The following NOS1 variants were observed in gnomAD, a reference collection of about 807,000 sequenced individuals.
NOS1 encodes NOS type I.
A neutral mutation model predicts 164.5 loss-of-function variants in NOS1; 51 were observed. The observed-to-expected ratio is 0.31, with a 90% CI of 0.25 to 0.39. NOS1 has a LOEUF of 0.39. Among genes scored for constraint, NOS1 ranks in the 10% least tolerant of loss-of-function variants. The pLI is 1.00. For missense variants in NOS1, 1,362 were observed against 1,885.6 expected (o/e 0.72, Z 5.14); for synonymous variants, 719 against 745.8 (o/e 0.96, Z 0.59).
chr12:117,288,965 T>A (rs569256266), intron 4 of NOS1, among the ~76,000 whole-genome samples: 1 of 152,056 alleles, frequency 6.6e-6, no homozygotes, highest in Admixed American at 6.5e-5. Context: ...ATCAACAGAG[T>A]CTGGACCAGA....
At chr12:117,262,411 A>G (rs1871981646) in intron 13 of NOS1, among the ~76,000 whole-genome samples, 1 of 126,340 alleles carries the variant, frequency 7.9e-6, no homozygotes, top group African/African-American at 3.1e-5. Context: ...GGAAGGAGAG[A>G]GAGGGAGGGA....
Position 117,357,789 on chromosome 12 carries a change from G to A in NOS1, c.-421+3723C>T, listed in dbSNP as rs903607576. ...AAGGTCCACTGGGCTGATGTTTGGC[G>A]TTCGCTGGATTAGATGATGTTTAAA... is the stretch of plus-strand genomic sequence containing the variant. On this transcript the variant is annotated intron_variant, in intron 1 of 28. Transcript: ENST00000317775. 2.0e-5 allele frequency among the ~76,000 whole-genome samples: 3 copies of A among 152,174 alleles called. No homozygotes were observed. The East Asian group carries it at 5.8e-4, about 29-fold the overall frequency.
Position 117,259,349 on chromosome 12 carries a change from C to T in NOS1, c.2368-219G>A, listed in dbSNP as rs566184665. Reference sequence around the variant, plus strand: ...GGTAGAACTAAACGCTTTTTGGTAGCGTGGGACCTTGCTATGGTCACTGTG... The same window carrying T: ...GGTAGAACTAAACGCTTTTTGGTAGTGTGGGACCTTGCTATGGTCACTGTG... On this transcript the variant is annotated intron_variant, in intron 14 of 28. Coordinates refer to ENST00000317775, the MANE Select transcript of NOS1 (RefSeq NM_000620.5). 5.3e-5 allele frequency among the ~76,000 whole-genome samples: 8 copies of T among 152,164 alleles called. No individual in the cohort carries two copies. In the South Asian group the frequency reaches 8.3e-4, roughly 16 times the overall value.
At chr12:117,248,440 T>A (rs1870825874) in intron 17 of NOS1, among the ~76,000 whole-genome samples, 1 of 151,616 alleles carries the variant, frequency 6.6e-6, no homozygotes, top group South Asian at 2.1e-4. Context: ...AGTGAGAATA[T>A]GCGGTGTTTG....
intron 12 of NOS1, among the ~76,000 whole-genome samples, chr12:117,264,836 T>C (rs565430613): frequency 1.3e-5 from 2 of 151,798 alleles, no homozygotes; most frequent in East Asian, 3.9e-4. Context: ...TCTCTTATCT[T>C]GGCCTCTTGA....
rs1392897484 is a variant in NOS1 at position 117,234,550 on chromosome 12, C to T, written c.3235+15G>A. On this transcript the variant is annotated intron_variant, in intron 21 of 28. Transcript: ENST00000317775. The surrounding 1 kb of genome is among the most constrained non-coding windows in gnomAD (Gnocchi z 4.3). Reference sequence around the variant, plus strand: ...GCAGCTCCCTAGAGCAGGGAAGGGTCCCCGGGAATGTTACCTAAAGCCGTG... The same window carrying T: ...GCAGCTCCCTAGAGCAGGGAAGGGTTCCCGGGAATGTTACCTAAAGCCGTG... 6.2e-7 allele frequency: 1 copy of T among 1,606,126 alleles called. No homozygotes were observed. Among genetic ancestry groups the T allele is most frequent in the South Asian group, 1.1e-5 (1 of 90,330 alleles).
At chr12:117,334,409 T>C (rs1417622405) in intron 1 of NOS1, among the ~76,000 whole-genome samples, 2 of 152,028 alleles carry the variant, frequency 1.3e-5, no homozygotes, top group African/African-American at 4.8e-5. Flanking sequence ...TAGCTTCTTT[T>C]TTTTTTAGAC....
At chr12:117,359,513 C>G (rs1877016492) in intron 1 of NOS1, among the ~76,000 whole-genome samples, 1 of 152,146 alleles carries the variant, frequency 6.6e-6, no homozygotes, top group South Asian at 2.1e-4. Context: ...GAGGAGAGGT[C>G]TGGGGTCTCC....
intron 27 of NOS1, 60 bp downstream of exon 27, chr12:117,220,015 A>G (rs1238534041): frequency 6.7e-7 from 1 of 1,495,598 alleles, no homozygotes; most frequent in Admixed American, 2.0e-5. Context: ...TTGGATGAAA[A>G]AGGGGGGATA....
intron 6 of NOS1, among the ~76,000 whole-genome samples, chr12:117,285,637 T>C (rs1024109319): frequency 1.3e-5 from 2 of 151,812 alleles, no homozygotes; most frequent in African/African-American, 4.8e-5. Context: ...CATTTTCTGT[T>C]AGGTTACTAG....
intron 26 of NOS1, among the ~76,000 whole-genome samples, chr12:117,221,671 T>C (rs1592923957): frequency 1.3e-5 from 2 of 152,142 alleles, no homozygotes; most frequent in East Asian, 3.9e-4. Flanking sequence ...TCTTGGTCTG[T>C]TGCCCAGGGT....
intron 2 of NOS1, among the ~76,000 whole-genome samples, chr12:117,329,837 T>A (rs1221963313): frequency 6.6e-6 from 1 of 152,130 alleles, no homozygotes; most frequent in Non-Finnish European, 1.5e-5. Flanking sequence ...CTGGACTGGC[T>A]GCAATGAGGA....
Position 117,247,428 on chromosome 12 carries a change from T to C in NOS1, c.2743A>G (p.Arg915Gly). 1 of 1,612,990 alleles carries C rather than the reference T, an allele frequency of 6.2e-7. No homozygotes were observed. The highest frequency in any genetic ancestry group is 8.5e-7 in the Non-Finnish European group (1 of 1,179,644). Residue 915 changes from arginine (R) to glycine (G), a missense_variant, in exon 18 of 29, where the codon AGG (arginine) becomes GGG (glycine). Arg to Gly is a moderately radical substitution (Grantham distance 125). Coordinates refer to ENST00000317775, the MANE Select transcript of NOS1 (RefSeq NM_000620.5). ...DTLLEELGGE[R>G]ILKMREGDEL... Reference sequence around the variant, plus strand: ...TCCCCTTCCCTCATCTTCAGGATCCTCTCCCCTCCCAGTTCTTCCAGGAGG... The same window carrying C: ...TCCCCTTCCCTCATCTTCAGGATCCCCTCCCCTCCCAGTTCTTCCAGGAGG...
chr12:117,338,245 CAAAAT>C, intron 1 of NOS1, among the ~76,000 whole-genome samples: 1 of 151,232 alleles, frequency 6.6e-6, no homozygotes, highest in Non-Finnish European at 1.5e-5. Context: ...CAAAACAAAA[CAAAAT>C]AAAAATTAGG....
At chr12:117,340,814 C>T (rs1876066151) in intron 1 of NOS1, among the ~76,000 whole-genome samples, 1 of 151,948 alleles carries the variant, frequency 6.6e-6, no homozygotes, top group Non-Finnish European at 1.5e-5. Context: ...ACCTCTGCCT[C>T]CCAGGTTCAA....
chr12:117,354,627 A>G (rs1876779565), intron 1 of NOS1, among the ~76,000 whole-genome samples: 1 of 152,208 alleles, frequency 6.6e-6, no homozygotes, highest in African/African-American at 2.4e-5. Context: ...AATTCCTGGA[A>G]ATGACATAGA....
At chr12:117,313,183 A>G (rs1347477593) in intron 2 of NOS1, among the ~76,000 whole-genome samples, 2 of 152,162 alleles carry the variant, frequency 1.3e-5, no homozygotes, top group Non-Finnish European at 2.9e-5. Context: ...GACCACCAGC[A>G]TCATCCTCAC....
intron 17 of NOS1, among the ~76,000 whole-genome samples, chr12:117,248,566 T>C (rs1402797554): frequency 6.6e-6 from 1 of 151,348 alleles, no homozygotes. Context: ...ATGGTGTATA[T>C]GTGCCACATT....
intron 2 of NOS1, among the ~76,000 whole-genome samples, chr12:117,312,121 C>T (rs1046596904): frequency 3.9e-5 from 6 of 151,942 alleles, no homozygotes; most frequent in Non-Finnish European, 7.4e-5. Flanking sequence ...CAGAATGATT[C>T]GGAAAATAAA....
Sources: gnomAD v4.1 joint callset for allele counts (sites outside exome capture counted in the v4.1 genomes callset) on GRCh38, gnomAD v4.1.1 for gene constraint, Gnocchi (gnomAD v3.1) non-coding constraint, MANE v1.5 for transcripts, NCBI Gene and HGNC (gene_info 2026-07-23, HGNC 2026-07-21) for gene names.